The following SPAG9 variants were observed in gnomAD, a reference collection of about 807,000 sequenced individuals.
SPAG9 encodes the protein sperm associated antigen 9.
SPAG9 carries 35 observed loss-of-function variants against 166.5 expected under a neutral mutation model. The observed-to-expected ratio is 0.21, with a 90% CI of 0.16 to 0.28. The LOEUF (loss-of-function observed/expected upper bound fraction) is 0.28. SPAG9 is among the 10% of genes least tolerant of loss of function. The pLI is 1.00. For missense variants in SPAG9, 1,235 were observed against 1,603.3 expected (o/e 0.77, Z 3.92); for synonymous variants, 534 against 565.5 (o/e 0.94, Z 0.79).
intron 22 of SPAG9, among the ~76,000 whole-genome samples, chr17:50,986,704 A>ATT (rs2143782109): frequency 6.6e-6 from 1 of 152,322 alleles, no homozygotes; most frequent in African/African-American, 2.4e-5. Flanking sequence ...CTTAGTAAAA[A>ATT]ATTCACTAAA....
intron 9 of SPAG9, among the ~76,000 whole-genome samples, chr17:51,011,385 C>CT (rs148325625): frequency 0.05 from 7,009 of 139,296 alleles, 472 homozygotes; most frequent in African/African-American, 0.16. Flanking sequence ...AAGCCAAGGA[C>CT]TTTTTTTTTT....
intron 5 of SPAG9, among the ~76,000 whole-genome samples, chr17:51,038,603 C>A (rs531738685): frequency 6.6e-6 from 1 of 152,230 alleles, no homozygotes. Flanking sequence ...GAGAAAACCA[C>A]CACTTAAACA....
chr17:51,084,363 CTACTA>C (rs1186365798), intron 1 of SPAG9: 1 of 152,088 alleles, frequency 6.6e-6, no homozygotes, highest in Non-Finnish European at 1.5e-5. Context: ...GCTAACTTAA[CTACTA>C]TATCTGGGAA....
At chr17:50,991,941 TTTTTTTTTTTTA>T (rs1299918478) in intron 19 of SPAG9, among the ~76,000 whole-genome samples, 8 of 137,778 alleles carry the variant, frequency 5.8e-5, no homozygotes, top group East Asian at 3.9e-4. Flanking sequence ...TTTTTTTTTT[TTTTTTTTTTTTA>T]AAACACAGGG....
chr17:51,064,286 TAA>T (rs2047600468), intron 2 of SPAG9, among the ~76,000 whole-genome samples: 1 of 152,214 alleles, frequency 6.6e-6, no homozygotes, highest in African/African-American at 2.4e-5. Flanking sequence ...GTTCAAACAT[TAA>T]GTTATCTACT....
At chr17:51,060,039 A>G (rs749248543) in intron 2 of SPAG9, among the ~76,000 whole-genome samples, 97 of 152,262 alleles carry the variant, frequency 6.4e-4, no homozygotes, top group Non-Finnish European at 1.1e-3. Flanking sequence ...ATGGTCTGTA[A>G]GACTTTTCTG....
chr17:51,025,018 CAAA>C (rs578089840), intron 6 of SPAG9, among the ~76,000 whole-genome samples: 1 of 125,046 alleles, frequency 8.0e-6, no homozygotes, highest in South Asian at 2.6e-4. Context: ...GACTTCATCT[CAAA>C]AAAAAAAAAA....
At chr17:50,966,458 T>C (rs1973371771) in intron 29 of SPAG9, 71 bp from the exon 30 acceptor site, 3 of 972,470 alleles carry the variant, frequency 3.1e-6, no homozygotes, top group South Asian at 1.3e-5. Context: ...TCAGATGTAA[T>C]GCTCGTGGTT....
At chr17:51,079,422 A>G (rs574867128) in intron 2 of SPAG9, among the ~76,000 whole-genome samples, 162 bp downstream of exon 2, 8 of 152,076 alleles carry the variant, frequency 5.3e-5, no homozygotes, top group Non-Finnish European at 1.0e-4. Flanking sequence ...TATTTTTAGT[A>G]GAGACGAGGT....
chr17:50,977,340 G>A, intron 26 of SPAG9, 119 bp from the exon 27 acceptor site: 1 of 673,912 alleles, frequency 1.5e-6, no homozygotes. Flanking sequence ...AGTAGTAGTA[G>A]CAGGATTGAT....
At chr17:51,096,570 T>A (rs1225870671) in intron 1 of SPAG9, among the ~76,000 whole-genome samples, 1 of 152,146 alleles carries the variant, frequency 6.6e-6, no homozygotes, top group South Asian at 2.1e-4. Context: ...AAACCTGGCA[T>A]CCTATTTCTA....
chr17:51,003,610 G>T (rs1401442039), intron 12 of SPAG9, among the ~76,000 whole-genome samples: 1 of 152,150 alleles, frequency 6.6e-6, no homozygotes, highest in African/African-American at 2.4e-5. Flanking sequence ...TATAGAGTGA[G>T]CACAGGGGTA....
At chr17:51,104,890 G>A (rs1309352470) in intron 1 of SPAG9, among the ~76,000 whole-genome samples, 1 of 142,376 alleles carries the variant, frequency 7.0e-6, no homozygotes, top group Non-Finnish European at 1.5e-5. Context: ...CCGAGATCGC[G>A]CCACTGCACT....
chr17:51,059,377 TAAAC>T (rs1243728315), intron 2 of SPAG9, among the ~76,000 whole-genome samples: 1 of 152,094 alleles, frequency 6.6e-6, no homozygotes, highest in African/African-American at 2.4e-5. Flanking sequence ...GAATGGGATT[TAAAC>T]AAACTATTCA....
chr17:51,099,099 CAAAAAAAAAAA>C (rs35291018), intron 1 of SPAG9, among the ~76,000 whole-genome samples: 6 of 45,976 alleles, frequency 1.3e-4, no homozygotes. Context: ...GACTCCGTCT[CAAAAAAAAAAA>C]AAAAAAAAAG....
intron 4 of SPAG9, chr17:51,047,013 C>A: frequency 8.5e-7 from 1 of 1,180,932 alleles, no homozygotes; most frequent in Non-Finnish European, 1.1e-6. Flanking sequence ...GGCTAGCTAA[C>A]CCTTTCAAAC....
chr17:50,975,861 AC>A, intron 27 of SPAG9: 1 of 1,535,336 alleles, frequency 6.5e-7, no homozygotes, highest in South Asian at 1.2e-5. Context: ...ATCTGCACTT[AC>A]CCCTCAGCCC....
At position 51,020,789 on chromosome 17, in the gene SPAG9, G is replaced by T. The variant is rs2045909838; in HGVS notation, c.991+369C>A. The stretch of plus-strand genomic sequence containing the variant: ...CAATACCAAAATCCATGGATGCTCA[G>T]GTCCCTTATATAAAATGGCATTGTA... On this transcript the variant is annotated intron_variant, in intron 7 of 29. Transcript: ENST00000262013. Among the ~76,000 whole-genome samples, 3 of 152,102 alleles carry T rather than the reference G, an allele frequency of 2.0e-5. No homozygotes were observed. The South Asian group carries it at 6.2e-4, about 32-fold the overall frequency.
chr17:51,029,695 T>C (rs1330250124), intron 6 of SPAG9, among the ~76,000 whole-genome samples: 1 of 152,220 alleles, frequency 6.6e-6, no homozygotes, highest in African/African-American at 2.4e-5. Flanking sequence ...TCTATTTATG[T>C]GCGGTATTTA....
Sources: allele counts gnomAD v4.1 joint callset (sites outside exome capture counted in the v4.1 genomes callset), GRCh38; gene constraint gnomAD v4.1.1; transcripts MANE v1.5; gene names NCBI Gene and HGNC (gene_info 2026-07-23, HGNC 2026-07-21).